Variants in ABTB3 observed in about 807,000 individuals in gnomAD.
ABTB3 encodes the protein ankyrin repeat and BTB domain containing 3, also known as ankyrin repeat- and BTB/POZ domain-containing protein 3.
the ABTB3 span, among the ~76,000 whole-genome samples, chr12:107,604,714 C>G: frequency 2.0e-5 from 3 of 152,080 alleles, no homozygotes; most frequent in Non-Finnish European, 2.9e-5. Context: ...AGAAATTCCT[C>G]AAAAAATTAA....
the ABTB3 span, among the ~76,000 whole-genome samples, chr12:107,475,471 C>G: frequency 6.6e-6 from 1 of 152,190 alleles, no homozygotes; most frequent in Admixed American, 6.5e-5. Context: ...CATGTCATAG[C>G]AGCCTCCTGC....
the ABTB3 span, among the ~76,000 whole-genome samples, chr12:107,330,116 C>T: frequency 6.6e-5 from 10 of 152,234 alleles, no homozygotes; most frequent in East Asian, 1.7e-3. Context: ...TGCAAAGGGC[C>T]TGTGGCAGGG....
the ABTB3 span, among the ~76,000 whole-genome samples, chr12:107,463,063 T>G: frequency 6.6e-6 from 1 of 151,688 alleles, no homozygotes; most frequent in Non-Finnish European, 1.5e-5. Flanking sequence ...ATGGTGATGA[T>G]GATGGTGGTA....
the ABTB3 span, chr12:107,612,901 G>A: frequency 6.3e-6 from 10 of 1,598,084 alleles, no homozygotes; most frequent in Non-Finnish European, 8.5e-6. Flanking sequence ...GGGCCCCTCG[G>A]CCGGCAGTCC....
At chr12:107,541,167 C>A in the ABTB3 span, among the ~76,000 whole-genome samples, 1 of 152,204 alleles carries the variant, frequency 6.6e-6, no homozygotes, top group Non-Finnish European at 1.5e-5. Flanking sequence ...CTCCCTCAGA[C>A]AGGAAACAGG....
At chr12:107,628,091 G>A in the ABTB3 span, among the ~76,000 whole-genome samples, 4 of 152,032 alleles carry the variant, frequency 2.6e-5, no homozygotes, top group South Asian at 2.1e-4. Flanking sequence ...TCCTCATAAC[G>A]CAGCCTAGCC....
At chr12:107,345,643 A>G in the ABTB3 span, among the ~76,000 whole-genome samples, 1 of 152,160 alleles carries the variant, frequency 6.6e-6, no homozygotes, top group Non-Finnish European at 1.5e-5. Context: ...CCCAGACCAC[A>G]CTAGAGTGGA....
the ABTB3 span, among the ~76,000 whole-genome samples, chr12:107,645,829 T>A: frequency 6.6e-6 from 1 of 152,226 alleles, no homozygotes; most frequent in Non-Finnish European, 1.5e-5. Flanking sequence ...GAAGGTTTCC[T>A]GGCCACATTA....
chr12:107,350,198 G>GA, the ABTB3 span, among the ~76,000 whole-genome samples: 3 of 152,068 alleles, frequency 2.0e-5, no homozygotes, highest in Non-Finnish European at 1.5e-5. Flanking sequence ...ATTTAGGGGG[G>GA]AAAAATCATA....
chr12:107,576,644 C>T, the ABTB3 span, among the ~76,000 whole-genome samples: 1 of 152,176 alleles, frequency 6.6e-6, no homozygotes, highest in African/African-American at 2.4e-5. Flanking sequence ...TTTGGGGGAA[C>T]ACGGTTCAGC....
chr12:107,450,500 G>A, the ABTB3 span, among the ~76,000 whole-genome samples: 13 of 152,144 alleles, frequency 8.5e-5, no homozygotes, highest in Non-Finnish European at 1.6e-4. Context: ...GGTTATGGGA[G>A]GAGGGAGAAG....
chr12:107,464,336 G>A, the ABTB3 span, among the ~76,000 whole-genome samples: 4 of 150,502 alleles, frequency 2.7e-5, no homozygotes, highest in Admixed American at 2.0e-4. Context: ...TTTGAGACAG[G>A]GTTTCACTCT....
chr12:107,482,025 G>A, the ABTB3 span, among the ~76,000 whole-genome samples: 1,137 of 152,060 alleles, frequency 7.5e-3, 25 homozygotes, highest in African/African-American at 0.026. Flanking sequence ...TTTCGAGGAA[G>A]TGATGCCCTG....
the ABTB3 span, among the ~76,000 whole-genome samples, chr12:107,532,777 G>A: frequency 2.0e-5 from 3 of 151,956 alleles, no homozygotes; most frequent in African/African-American, 7.3e-5. Flanking sequence ...CAAGAGAAAA[G>A]CATCCAGCTA....
At chr12:107,410,450 T>C in the ABTB3 span, among the ~76,000 whole-genome samples, 1 of 152,006 alleles carries the variant, frequency 6.6e-6, no homozygotes, top group Non-Finnish European at 1.5e-5. Flanking sequence ...TGCTGGGGGA[T>C]ACAGGAAGGG....
At chr12:107,579,851 C>A in the ABTB3 span, among the ~76,000 whole-genome samples, 2 of 152,204 alleles carry the variant, frequency 1.3e-5, no homozygotes, top group Admixed American at 1.3e-4. Flanking sequence ...TGGCAGGAAA[C>A]CTTTTGCATC....
chr12:107,425,556 T>C, the ABTB3 span, among the ~76,000 whole-genome samples: 5 of 152,222 alleles, frequency 3.3e-5, no homozygotes, highest in Non-Finnish European at 5.9e-5. Flanking sequence ...AGGGTTAATT[T>C]TGTATTATAT....
chr12:107,604,042 A>G, the ABTB3 span, among the ~76,000 whole-genome samples: 3 of 152,032 alleles, frequency 2.0e-5, no homozygotes, highest in East Asian at 3.9e-4. Flanking sequence ...GGTGGCGGGC[A>G]CCTGTAGTCC....
At chr12:107,491,238 T>C in the ABTB3 span, among the ~76,000 whole-genome samples, 1 of 152,206 alleles carries the variant, frequency 6.6e-6, no homozygotes, top group Non-Finnish European at 1.5e-5. Context: ...TCAGTTGTCC[T>C]GTTGCTGTGA....
Sources: allele counts gnomAD v4.1 joint callset (sites outside exome capture counted in the v4.1 genomes callset), GRCh38; gene constraint gnomAD v4.1.1; transcripts MANE v1.5; gene names NCBI Gene and HGNC (gene_info 2026-07-23, HGNC 2026-07-21).